GFOD1: variants seen among roughly 807,000 people sequenced by gnomAD.
GFOD1 encodes the protein glucose-fructose oxidoreductase domain-containing protein 1.
A neutral mutation model predicts 25.4 loss-of-function variants in GFOD1; 9 were observed. The ratio of observed to expected loss-of-function variants is 0.35; its 90% CI spans 0.21 to 0.62. The LOEUF is 0.62. Among genes scored for constraint, GFOD1 ranks in the 20% least tolerant of loss-of-function variants. The probability of loss-of-function intolerance (pLI) is 0.72; values close to 1 mark genes in which losing one functional copy is unlikely to be tolerated. For missense variants in GFOD1, 403 were observed against 556.9 expected (o/e 0.72, Z 2.78); for synonymous variants, 253 against 245.6 (o/e 1.03, Z -0.28).
At chr6:13,381,915 G>GCGCGCACA (rs748305101) in intron 1 of GFOD1, among the ~76,000 whole-genome samples, 12 of 140,140 alleles carry the variant, frequency 8.6e-5, no homozygotes, top group African/African-American at 2.4e-4. Context: ...ACGCGCGCGC[G>GCGCGCACA]CACACACACA....
chr6:13,380,880 G>A (rs914731095), intron 1 of GFOD1, among the ~76,000 whole-genome samples: 4 of 152,192 alleles, frequency 2.6e-5, no homozygotes, highest in Non-Finnish European at 4.4e-5. Context: ...CACAGAAGTG[G>A]GGAGTGTAAG....
chr6:13,369,582 A>G (rs1039250845), intron 1 of GFOD1, among the ~76,000 whole-genome samples: 3 of 152,172 alleles, frequency 2.0e-5, no homozygotes, highest in African/African-American at 4.8e-5. Flanking sequence ...GCATCACTTA[A>G]GCCCAGGAGT....
intron 1 of GFOD1, among the ~76,000 whole-genome samples, chr6:13,447,891 G>A (rs1758032556): frequency 1.3e-5 from 2 of 152,122 alleles, no homozygotes; most frequent in African/African-American, 2.4e-5. Flanking sequence ...GAGGCACAGA[G>A]GGCTGAGGAG....
At chr6:13,382,349 G>GGC (rs1190269418) in intron 1 of GFOD1, among the ~76,000 whole-genome samples, 1 of 18,204 alleles carries the variant, frequency 5.5e-5, no homozygotes, top group Non-Finnish European at 1.4e-4. Context: ...TTGAATCATG[G>GGC]GGGGGGGGGT....
intron 1 of GFOD1, among the ~76,000 whole-genome samples, chr6:13,437,648 C>T (rs1757854301): frequency 6.6e-6 from 1 of 152,096 alleles, no homozygotes. Flanking sequence ...ATAATCAGCC[C>T]ATTCAAAAAG....
chr6:13,415,303 A>C (rs1001632588), intron 1 of GFOD1, among the ~76,000 whole-genome samples: 5 of 152,176 alleles, frequency 3.3e-5, no homozygotes, highest in Non-Finnish European at 5.9e-5. Context: ...TGTGGGAAGC[A>C]CAGTCTTTCT....
chr6:13,440,348 T>A (rs1365806289), intron 1 of GFOD1, among the ~76,000 whole-genome samples: 1 of 151,862 alleles, frequency 6.6e-6, no homozygotes, highest in African/African-American at 2.4e-5. Flanking sequence ...ACCACCACGC[T>A]CAGCTAATTT....
intron 1 of GFOD1, among the ~76,000 whole-genome samples, chr6:13,397,461 C>T (rs559496225): frequency 6.6e-6 from 1 of 152,352 alleles, no homozygotes; most frequent in South Asian, 2.1e-4. Context: ...CTTTTCACTT[C>T]CTCTTTCACC....
At chr6:13,377,077 A>G (rs1785271129) in intron 1 of GFOD1, among the ~76,000 whole-genome samples, 1 of 152,088 alleles carries the variant, frequency 6.6e-6, no homozygotes, top group Non-Finnish European at 1.5e-5. Flanking sequence ...TTGGTCTCAA[A>G]AAATGCAAAA....
chr6:13,405,190 A>C (rs1158228421), intron 1 of GFOD1, among the ~76,000 whole-genome samples: 1 of 152,218 alleles, frequency 6.6e-6, no homozygotes, highest in Non-Finnish European at 1.5e-5. Flanking sequence ...GTTCATTTAA[A>C]TATTTTCAAT....
intron 1 of GFOD1, among the ~76,000 whole-genome samples, chr6:13,440,551 G>A (rs1252741985): frequency 2.6e-5 from 4 of 152,132 alleles, no homozygotes; most frequent in African/African-American, 4.8e-5. Context: ...GTCCATCTAC[G>A]ATGACTGCTC....
intron 1 of GFOD1, among the ~76,000 whole-genome samples, chr6:13,472,953 A>G (rs1410995557): frequency 6.6e-6 from 1 of 152,198 alleles, no homozygotes; most frequent in Non-Finnish European, 1.5e-5. Flanking sequence ...AAGATGGCAG[A>G]CTACTCTGAG....
At position 13,391,418 on chromosome 6, in the gene GFOD1, AACCTGGGAGGTGAAG is replaced by A. The variant is rs1160918931; in HGVS notation, c.254-25771_254-25757del. Reference sequence around the variant, plus strand: ...GAGGCTGAGGCAGGAGAATCGCTTGAACCTGGGAGGTGAAGGTTGCAGTGAGCTGAGATTGTGCCA... The same window carrying A: ...GAGGCTGAGGCAGGAGAATCGCTTGAGTTGCAGTGAGCTGAGATTGTGCCA... On this transcript the variant is annotated intron_variant, in intron 1 of 1. Coordinates refer to ENST00000379287, the MANE Select transcript of GFOD1 (RefSeq NM_018988.4). Among the ~76,000 whole-genome samples the A allele has an allele frequency of 3.8e-3, 582 of 151,326 alleles. 4 individuals carry two copies. The highest frequency in any genetic ancestry group is 0.013 in the African/African-American group (549 of 41,268).
intron 1 of GFOD1, among the ~76,000 whole-genome samples, chr6:13,455,222 C>T (rs1041279646): frequency 2.0e-5 from 3 of 152,086 alleles, no homozygotes; most frequent in African/African-American, 7.2e-5. Flanking sequence ...CAGAGAGGTG[C>T]GGGGTGGGTC....
chr6:13,417,709 T>C (rs565625868), intron 1 of GFOD1, among the ~76,000 whole-genome samples: 2 of 152,222 alleles, frequency 1.3e-5, no homozygotes, highest in East Asian at 3.8e-4. Flanking sequence ...CACAGAGCCT[T>C]GAGCCCAGGA....
chr6:13,424,290 G>A (rs776215085), intron 1 of GFOD1, among the ~76,000 whole-genome samples: 1 of 152,188 alleles, frequency 6.6e-6, no homozygotes, highest in Non-Finnish European at 1.5e-5. Context: ...TAACCCTGAT[G>A]CATTGGTTCT....
chr6:13,392,581 C>T (rs1296852302), intron 1 of GFOD1, among the ~76,000 whole-genome samples: 2 of 152,078 alleles, frequency 1.3e-5, no homozygotes, highest in Admixed American at 1.3e-4. Context: ...AGGAGCCTGT[C>T]TTCAGCAGAC....
intron 1 of GFOD1, among the ~76,000 whole-genome samples, chr6:13,426,458 C>T (rs180999674): frequency 9.5e-4 from 144 of 152,350 alleles, no homozygotes; most frequent in African/African-American, 2.8e-3. Flanking sequence ...GAACCAGACA[C>T]GAACCTACTC....
At chr6:13,471,484 G>A (rs946142533) in intron 1 of GFOD1, among the ~76,000 whole-genome samples, 2 of 152,104 alleles carry the variant, frequency 1.3e-5, no homozygotes, top group African/African-American at 4.8e-5. Context: ...GAGCAGGGAG[G>A]GGCACTGTCA....
Sources: gnomAD v4.1 joint callset for allele counts (sites outside exome capture counted in the v4.1 genomes callset) on GRCh38, gnomAD v4.1.1 for gene constraint, MANE v1.5 for transcripts, NCBI Gene and HGNC (gene_info 2026-07-23, HGNC 2026-07-21) for gene names.